The following BCAT1 variants were observed in gnomAD, a reference collection of about 807,000 sequenced individuals.
The protein encoded by BCAT1 is branched chain amino acid transaminase 1.
Under a neutral mutation model 52.4 loss-of-function variants are expected in BCAT1, and 48 were observed. The observed-to-expected ratio is 0.92, with a 90% confidence interval of 0.73 to 1.16. The LOEUF is 1.16. Ranked by LOEUF, BCAT1 falls within the 50% of genes most tolerant of loss-of-function variation. BCAT1 has a pLI of 0.00. For missense variants in BCAT1, 451 were observed against 457.1 expected (o/e 0.99, Z 0.12); for synonymous variants, 167 against 161.3 (o/e 1.04, Z -0.27).
intron 5 of BCAT1, among the ~76,000 whole-genome samples, chr12:24,864,861 T>A (rs558276964): frequency 6.6e-6 from 1 of 152,260 alleles, no homozygotes; most frequent in South Asian, 2.1e-4. Flanking sequence ...CCTTCCACAT[T>A]GACAAATCCA....
At chr12:24,828,085 C>T (rs1254383007) in intron 10 of BCAT1, among the ~76,000 whole-genome samples, 1 of 152,120 alleles carries the variant, frequency 6.6e-6, no homozygotes, top group Non-Finnish European at 1.5e-5. Context: ...CCAAGGACCT[C>T]CATTGCTCTC....
intron 1 of BCAT1, among the ~76,000 whole-genome samples, chr12:24,915,262 T>A (rs1362480449): frequency 2.6e-5 from 4 of 152,090 alleles, no homozygotes; most frequent in African/African-American, 9.7e-5. Flanking sequence ...GAATAAAATG[T>A]CAAGCAAGTG....
chr12:24,886,433 C>G (rs945842233), intron 3 of BCAT1, among the ~76,000 whole-genome samples: 1 of 152,096 alleles, frequency 6.6e-6, no homozygotes, highest in African/African-American at 2.4e-5. Context: ...TGCCAAATGG[C>G]CAAATCTGCA....
chr12:24,917,262 T>C (rs901872175), intron 1 of BCAT1, among the ~76,000 whole-genome samples: 7 of 144,582 alleles, frequency 4.8e-5, no homozygotes, highest in East Asian at 4.5e-4. Context: ...CACTGCAAGC[T>C]CCGTCTTGCC....
chr12:24,841,966 T>A, intron 7 of BCAT1, 116 bp downstream of exon 7: 1 of 1,196,672 alleles, frequency 8.4e-7, no homozygotes, highest in African/African-American at 1.5e-5. Context: ...CAGTAGTCCT[T>A]ACTTAGCCTT....
At chr12:24,889,327 T>C (rs1183578615) in intron 3 of BCAT1, among the ~76,000 whole-genome samples, 4 of 152,178 alleles carry the variant, frequency 2.6e-5, no homozygotes, top group Admixed American at 2.6e-4. Flanking sequence ...AGAACCCAAT[T>C]TGGCACTCAG....
Position 24,823,034 on chromosome 12 carries a change from C to CTT in BCAT1, c.1120-4987_1120-4986dup, listed in dbSNP as rs5797104. On this transcript the variant is annotated intron_variant, in intron 10 of 10. Coordinates refer to ENST00000261192, the MANE Select transcript of BCAT1 (RefSeq NM_005504.7). ...CATTTACACTGAATATTTGTTTTGACTTTTTTTTTTTTTTCATTTGTTTTG... is the reference window on the plus strand; with the variant it reads ...CATTTACACTGAATATTTGTTTTGACTTTTTTTTTTTTTTTTCATTTGTTTTG... Among the ~76,000 whole-genome samples, 11 of 141,518 alleles carry CTT rather than the reference C, an allele frequency of 7.8e-5. No individual in the cohort carries two copies. The East Asian group carries it at 8.2e-4, about 11-fold the overall frequency. 92.8% of individuals were successfully genotyped at this position (141,518 alleles called of 152,430 possible). A position where few individuals can be genotyped will look rare whatever the true frequency, so the allele number is the denominator to read the frequency against.
intron 5 of BCAT1, 29 bp downstream of exon 5, chr12:24,878,501 G>A (rs1234407747): frequency 1.3e-6 from 2 of 1,590,964 alleles, no homozygotes; most frequent in East Asian, 2.2e-5. Flanking sequence ...GCCCAGCAAA[G>A]TACCCCAAAA....
At chr12:24,840,850 A>G (rs1281438525) in intron 7 of BCAT1, among the ~76,000 whole-genome samples, 1 of 152,250 alleles carries the variant, frequency 6.6e-6, no homozygotes, top group East Asian at 1.9e-4. Flanking sequence ...CTTCATAAGT[A>G]TTTGGAAACA....
At chr12:24,927,990 T>C (rs138107178) in intron 1 of BCAT1, among the ~76,000 whole-genome samples, 2 of 152,332 alleles carry the variant, frequency 1.3e-5, no homozygotes, top group East Asian at 3.9e-4. Flanking sequence ...GTATGATCTG[T>C]AATAAAACTT....
intron 4 of BCAT1, among the ~76,000 whole-genome samples, chr12:24,880,265 A>G (rs552347970): frequency 1.3e-5 from 2 of 152,306 alleles, no homozygotes; most frequent in East Asian, 3.9e-4. Flanking sequence ...CCTGGCTAAC[A>G]TGGTGAAATC....
Position 24,900,234 on chromosome 12 carries a change from A to T in BCAT1, c.78+1580T>A, listed in dbSNP as rs551156924. ...TTTTGATGTGTAAATACATGAGTGT[A>T]AACAGGCAATTCCCCTAAATAAAAC... On this transcript the variant is annotated intron_variant, in intron 2 of 10. Transcript: ENST00000261192. Among the ~76,000 whole-genome samples the T allele has an allele frequency of 5.3e-5, 8 of 152,352 alleles. No individual in the cohort carries two copies. The East Asian group carries it at 1.5e-3, about 29-fold the overall frequency.
At chr12:24,912,489 C>T (rs1184559549) in intron 1 of BCAT1, among the ~76,000 whole-genome samples, 1 of 152,108 alleles carries the variant, frequency 6.6e-6, no homozygotes, top group Non-Finnish European at 1.5e-5. Flanking sequence ...CACTGCACTC[C>T]AGCCTGGGTG....
chr12:24,933,142 T>G (rs4963826), intron 1 of BCAT1, among the ~76,000 whole-genome samples: 8 of 88,830 alleles, frequency 9.0e-5, no homozygotes, highest in Admixed American at 1.2e-4. Flanking sequence ...TTTTTTTTTG[T>G]ATTTTAAGCA....
chr12:24,852,382 A>G (rs562081162), intron 5 of BCAT1, among the ~76,000 whole-genome samples: 28 of 152,184 alleles, frequency 1.8e-4, no homozygotes, highest in African/African-American at 6.5e-4. Context: ...CTAGCTTCTA[A>G]GTTTCTGAAT....
chr12:24,894,236 G>A (rs1193153584), intron 3 of BCAT1, 39 bp downstream of exon 3: 28 of 1,589,856 alleles, frequency 1.8e-5, no homozygotes, highest in Non-Finnish European at 2.4e-5. Flanking sequence ...CCACAGTGAA[G>A]TGCAAGCATG....
chr12:24,866,505 AG>A (rs1440274728), intron 5 of BCAT1, among the ~76,000 whole-genome samples: 1 of 152,228 alleles, frequency 6.6e-6, no homozygotes, highest in African/African-American at 2.4e-5. Flanking sequence ...CGGGACTGGC[AG>A]GCAGCTCCAC....
In BCAT1 at chr12:24,878,660, G is replaced by A; in HGVS notation, c.391-11C>T. The A allele has an allele frequency of 1.3e-6, 2 of 1,594,392 alleles. No homozygotes were observed. Among genetic ancestry groups the A allele is most frequent in the Non-Finnish European group, 1.7e-6 (2 of 1,170,354 alleles). ...TTCTTTGTCAAATACCTGAAAGAATGAAAAACATAATAAATGACAGAATTT... is the reference window on the plus strand; with the variant it reads ...TTCTTTGTCAAATACCTGAAAGAATAAAAAACATAATAAATGACAGAATTT... On this transcript the variant is annotated splice_polypyrimidine_tract_variant and intron_variant, in intron 4 of 10. Transcript: ENST00000261192.
At chr12:24,824,890 T>A (rs1940320855) in intron 10 of BCAT1, among the ~76,000 whole-genome samples, 1 of 152,190 alleles carries the variant, frequency 6.6e-6, no homozygotes. Context: ...TTCTTGTTTT[T>A]TTCCTTTATC....
Sources: allele counts gnomAD v4.1 joint callset (sites outside exome capture counted in the v4.1 genomes callset), GRCh38; gene constraint gnomAD v4.1.1; transcripts MANE v1.5; gene names NCBI Gene and HGNC (gene_info 2026-07-23, HGNC 2026-07-21).